TMEM132C: variants seen among roughly 807,000 people sequenced by gnomAD.
TMEM132C encodes transmembrane protein 132C, also known as protein phosphatase 1, regulatory subunit 152.
TMEM132C carries 29 observed loss-of-function variants against 61.4 expected under a neutral mutation model. The observed-to-expected ratio is 0.47, with a 90% CI of 0.35 to 0.64. TMEM132C has a LOEUF of 0.64. TMEM132C is among the 30% of genes least tolerant of loss of function. The pLI is 0.00. For missense variants in TMEM132C, 1,408 were observed against 1,476.9 expected (o/e 0.95, Z 0.76); for synonymous variants, 656 against 633.1 (o/e 1.04, Z -0.54).
Position 128,602,261 on chromosome 12 carries a change from G to A in TMEM132C, c.1122-13891G>A, listed in dbSNP as rs7958803. ...CACTTCAGCTTACCAACGCATGAGT[G>A]TATTTCCAATCTACAAGCTCCAGCG... On this transcript the variant is annotated intron_variant, in intron 3 of 8. Transcript: ENST00000435159. Among the ~76,000 whole-genome samples, 939 of 152,360 alleles carry A rather than the reference G, an allele frequency of 6.2e-3. 6 individuals are homozygous for A. Among genetic ancestry groups the A allele is most frequent in the Middle Eastern group, 0.017 (5 of 294 alleles).
At chr12:128,272,143 C>T (rs1355079905) in intron 1 of TMEM132C, among the ~76,000 whole-genome samples, 4 of 152,218 alleles carry the variant, frequency 2.6e-5, no homozygotes, top group African/African-American at 7.2e-5. Flanking sequence ...CGGTATAGAA[C>T]GTGCCCATTA....
In TMEM132C at chr12:128,376,630, C is replaced by T. The variant is rs558819491; in HGVS notation, c.86-38102C>T. On this transcript the variant is annotated intron_variant, in intron 1 of 8. Coordinates refer to ENST00000435159, the MANE Select transcript of TMEM132C (RefSeq NM_001136103.3). ...GATGGATCCAAATATGAGATTATTTCGAGCCTCTTGGAATTTTGAAAGCTA... is the reference window on the plus strand; with the variant it reads ...GATGGATCCAAATATGAGATTATTTTGAGCCTCTTGGAATTTTGAAAGCTA... 4.1e-4 allele frequency among the ~76,000 whole-genome samples: 63 copies of T among 152,256 alleles called. 1 individual carries two copies. The highest frequency in any genetic ancestry group is 1.4e-3 in the African/African-American group (58 of 41,544).
In TMEM132C at chr12:128,683,199, G is replaced by A. The variant is rs78399336; in HGVS notation, c.1450-10630G>A. Among the ~76,000 whole-genome samples, 43 of 152,236 alleles carry A rather than the reference G, an allele frequency of 2.8e-4. No homozygotes were observed. In the East Asian group the frequency reaches 7.9e-3, roughly 28 times the overall value. ...GTAAACACCCTTCTGGGGCTAATATGTTCTGTCTGCCCGGCCCTCTACAGA... is the reference window on the plus strand; with the variant it reads ...GTAAACACCCTTCTGGGGCTAATATATTCTGTCTGCCCGGCCCTCTACAGA... On this transcript the variant is annotated intron_variant, in intron 5 of 8. Coordinates refer to ENST00000435159, the MANE Select transcript of TMEM132C (RefSeq NM_001136103.3).
chr12:128,395,900 A>T (rs1039954648), intron 1 of TMEM132C, among the ~76,000 whole-genome samples: 1 of 151,048 alleles, frequency 6.6e-6, no homozygotes, highest in Admixed American at 6.6e-5. Flanking sequence ...CGGAGTCAAT[A>T]AAAAAAAAGG....
chr12:128,294,250 A>C (rs1871334440), intron 1 of TMEM132C: 1 of 154,124 alleles, frequency 6.5e-6, no homozygotes, highest in African/African-American at 2.4e-5. Context: ...CTAGCAGACC[A>C]ACAGGAGCAA....
chr12:128,551,031 C>A (rs1319974982), intron 3 of TMEM132C, among the ~76,000 whole-genome samples: 2 of 152,184 alleles, frequency 1.3e-5, no homozygotes, highest in East Asian at 3.9e-4. Flanking sequence ...TGAAAGCACA[C>A]CTTCTGTTTG....
chr12:128,622,984 G>A (rs1953982016), intron 4 of TMEM132C, among the ~76,000 whole-genome samples: 2 of 152,090 alleles, frequency 1.3e-5, no homozygotes. Flanking sequence ...GTATTTTCTT[G>A]TCACAGCTGG....
chr12:128,591,588 C>G (rs895757658), intron 3 of TMEM132C, among the ~76,000 whole-genome samples: 7 of 152,084 alleles, frequency 4.6e-5, no homozygotes, highest in African/African-American at 1.7e-4. Flanking sequence ...AGATATGTTT[C>G]CATATGATAT....
intron 2 of TMEM132C, among the ~76,000 whole-genome samples, chr12:128,440,405 C>T: frequency 6.6e-6 from 1 of 152,106 alleles, no homozygotes; most frequent in Non-Finnish European, 1.5e-5. Flanking sequence ...GAAACAGAGC[C>T]AGGGTTAGGA....
At chr12:128,373,715 G>A (rs1319666672) in intron 1 of TMEM132C, among the ~76,000 whole-genome samples, 1 of 152,196 alleles carries the variant, frequency 6.6e-6, no homozygotes, top group Non-Finnish European at 1.5e-5. Flanking sequence ...ATTCCTTTGG[G>A]GGATGGGGAA....
chr12:128,475,437 C>T lies in TMEM132C; in HGVS notation c.974+59817C>T, dbSNP rs576494713. 8.6e-5 allele frequency among the ~76,000 whole-genome samples: 13 copies of T among 152,000 alleles called. No individual in the cohort carries two copies. The East Asian group carries it at 2.1e-3, about 25-fold the overall frequency. On this transcript the variant is annotated intron_variant, in intron 2 of 8. Transcript: ENST00000435159. ...TGGGGAGGGACCGCTAACTGGCATG[C>T]GGTTGCACTTGGGGTGATAAAAAAT...
At chr12:128,333,583 ATGTG>A (rs964676465) in intron 1 of TMEM132C, among the ~76,000 whole-genome samples, 1 of 149,142 alleles carries the variant, frequency 6.7e-6, no homozygotes, top group African/African-American at 2.5e-5. Context: ...ATATGTGAGA[ATGTG>A]TGATGTTGTG....
At chr12:128,275,030 AAAG>A (rs1466485840) in intron 1 of TMEM132C, among the ~76,000 whole-genome samples, 1 of 152,214 alleles carries the variant, frequency 6.6e-6, no homozygotes, top group African/African-American at 2.4e-5. Context: ...GCTGTTACTA[AAAG>A]AAGGTGTGAT....
At chr12:128,313,018 A>T (rs936330331) in intron 1 of TMEM132C, among the ~76,000 whole-genome samples, 7 of 152,206 alleles carry the variant, frequency 4.6e-5, no homozygotes, top group Non-Finnish European at 7.3e-5. Flanking sequence ...TCCTCATGGA[A>T]GGAAGAGGAG....
intron 2 of TMEM132C, among the ~76,000 whole-genome samples, chr12:128,481,307 G>C (rs1871309565): frequency 6.6e-6 from 1 of 152,222 alleles, no homozygotes; most frequent in African/African-American, 2.4e-5. Flanking sequence ...ACGCAATGTA[G>C]AAAACAAGGC....
rs575969743 is a variant in TMEM132C at position 128,569,347 on chromosome 12, C to T, written c.1121+25244C>T. ...ACAAACATATCTGGGTCTGACAGGC[C>T]TTCTTCGGTCTCCTTCCTGCAGCAA... On this transcript the variant is annotated intron_variant, in intron 3 of 8. Transcript: ENST00000435159. Among the ~76,000 whole-genome samples, 4 of 152,238 alleles carry T rather than the reference C, an allele frequency of 2.6e-5. No homozygotes were observed. In the East Asian group the frequency reaches 7.7e-4, roughly 29 times the overall value.
chr12:128,604,450 T>TAGATAGATAGATAGATA (rs1010393054), intron 3 of TMEM132C, among the ~76,000 whole-genome samples: 1 of 146,886 alleles, frequency 6.8e-6, no homozygotes. Flanking sequence ...GATAGATAGA[T>TAGATAGATAGATAGATA]AATAGATGGA....
At position 128,514,409 on chromosome 12, in the gene TMEM132C, TAGAG is replaced by T. The variant is rs1438399019; in HGVS notation, c.975-29545_975-29542del. 7.2e-5 allele frequency among the ~76,000 whole-genome samples: 11 copies of T among 152,310 alleles called. No homozygotes were observed. The East Asian group carries it at 1.9e-3, about 27-fold the overall frequency. ...ACTTTAAAATAAAGAAATTGAATCA[TAGAG>T]AGTGAGTAATTTGCCCAAGGCCAGA... On this transcript the variant is annotated intron_variant, in intron 2 of 8. Coordinates refer to ENST00000435159, the MANE Select transcript of TMEM132C (RefSeq NM_001136103.3).
rs943814459 is a variant in TMEM132C, at chr12:128,669,511, A to C, written c.1400A>C (p.Asp467Ala). 3 of 1,551,668 alleles carry C rather than the reference A, an allele frequency of 1.9e-6. No individual in the cohort carries two copies. Among genetic ancestry groups the C allele is most frequent in the Non-Finnish European group, 2.6e-6 (3 of 1,146,974 alleles). The change falls in exon 5 of 9, where the codon GAC becomes GCC. Residue 467 changes from aspartate (D) to alanine (A), a missense_variant. By Grantham distance (126) the Asp-to-Ala change is moderately radical. Coordinates refer to ENST00000435159, the MANE Select transcript of TMEM132C (RefSeq NM_001136103.3). ...VSVEENSAVM[D>A]ISESVECKST... ...GTGGAGGAGAACAGTGCCGTGATGG[A>C]CATCTCAGAGTCGGTGGAGTGCAAG...
Sources: allele counts gnomAD v4.1 joint callset (sites outside exome capture counted in the v4.1 genomes callset), GRCh38; gene constraint gnomAD v4.1.1; transcripts MANE v1.5; gene names NCBI Gene and HGNC (gene_info 2026-07-23, HGNC 2026-07-21).